BFAR: variants seen among roughly 807,000 people sequenced by gnomAD.
BFAR encodes bifunctional apoptosis regulator.
In BFAR, 52 loss-of-function variants were observed where a neutral mutation model predicts 54.4. The observed-to-expected ratio is 0.96, with a 90% CI of 0.77 to 1.21. BFAR has a LOEUF of 1.21. Among genes scored for constraint, BFAR ranks in the 50% most tolerant of loss-of-function variants. The pLI is 0.00. For missense variants in BFAR, 571 were observed against 534.0 expected (o/e 1.07, Z -0.68); for synonymous variants, 215 against 204.3 (o/e 1.05, Z -0.45).
intron 4 of BFAR, 65 bp downstream of exon 4, chr16:14,650,038 C>T: frequency 6.7e-7 from 1 of 1,500,016 alleles, no homozygotes; most frequent in African/African-American, 1.4e-5. Flanking sequence ...GAGATATAAT[C>T]CAGGCCAGGC....
intron 4 of BFAR, 144 bp downstream of exon 4, chr16:14,650,117 T>C: frequency 2.6e-6 from 2 of 762,618 alleles, no homozygotes; most frequent in Non-Finnish European, 3.9e-6. Flanking sequence ...AGGTCAGGAG[T>C]TCCAGACCAG....
At chr16:14,654,157 G>A (rs999093745) in intron 4 of BFAR, among the ~76,000 whole-genome samples, 8 of 151,738 alleles carry the variant, frequency 5.3e-5, no homozygotes, top group Non-Finnish European at 1.0e-4. Context: ...GACTATAGGC[G>A]CCTGCCACGA....
At chr16:14,638,930 G>C (rs146263525) in intron 1 of BFAR, among the ~76,000 whole-genome samples, 1 of 150,958 alleles carries the variant, frequency 6.6e-6, no homozygotes, top group African/African-American at 2.4e-5. Context: ...GGGCAACAGA[G>C]TAAGACTTGT....
chr16:14,639,195 C>CAGGCTGGT (rs1959546400), intron 1 of BFAR, among the ~76,000 whole-genome samples: 1 of 152,078 alleles, frequency 6.6e-6, no homozygotes, highest in South Asian at 2.1e-4. Flanking sequence ...CCCAGGCTGG[C>CAGGCTGGT]AGGCTGGTAG....
intron 5 of BFAR, among the ~76,000 whole-genome samples, chr16:14,659,207 C>G (rs1409624394): frequency 6.6e-6 from 1 of 151,298 alleles, no homozygotes; most frequent in Non-Finnish European, 1.5e-5. Context: ...CCATGCCCAG[C>G]CTGTAGTATG....
chr16:14,637,511 T>C (rs1347293219), intron 1 of BFAR, among the ~76,000 whole-genome samples: 1 of 152,226 alleles, frequency 6.6e-6, no homozygotes, highest in Non-Finnish European at 1.5e-5. Flanking sequence ...ATGATTGTTA[T>C]GTCCTTAATA....
At chr16:14,664,459 A>ATGTG in intron 6 of BFAR, among the ~76,000 whole-genome samples, 1 of 149,022 alleles carries the variant, frequency 6.7e-6, no homozygotes, top group East Asian at 2.0e-4. Context: ...AGATTGTTGG[A>ATGTG]TGTGTGTGTG....
chr16:14,648,362 T>C, intron 2 of BFAR, 26 bp from the exon 3 acceptor site: 1 of 1,569,074 alleles, frequency 6.4e-7, no homozygotes, highest in East Asian at 2.2e-5. Flanking sequence ...ACAACTGTCT[T>C]AATTTTTTTT....
At chr16:14,656,008 G>C (rs1960118963) in intron 5 of BFAR, among the ~76,000 whole-genome samples, 1 of 152,006 alleles carries the variant, frequency 6.6e-6, no homozygotes. Flanking sequence ...TCAGCAGTTT[G>C]AGACCAGCCT....
At position 14,669,001 on chromosome 16, in the gene BFAR, G is replaced by T. The variant is rs1317712208; in HGVS notation, c.*1174G>T. The T allele has an allele frequency of 6.6e-6, 3 of 451,154 alleles. No homozygotes were observed. Among genetic ancestry groups the T allele is most frequent in the South Asian group, 4.7e-5 (3 of 63,398 alleles). The allele number at this position is 451,154 out of a possible 1,614,324, so 27.9% of individuals were successfully genotyped here. A position where few individuals can be genotyped will look rare whatever the true frequency, so the allele number is the denominator to read the frequency against. On this transcript the variant is annotated 3_prime_UTR_variant, in exon 8 of 8. Transcript: ENST00000261658. ...AGCGCTATAGTTATAAATATGGCAT[G>T]AAGTGAACTATGGCCTTTTATTTCC... is the stretch of plus-strand genomic sequence containing the variant.
chr16:14,664,879 A>G lies in BFAR; in HGVS notation c.968A>G (p.Glu323Gly), dbSNP rs1281927179. 9 of 1,613,448 alleles carry G rather than the reference A, an allele frequency of 5.6e-6. No individual in the cohort carries two copies. The highest frequency in any genetic ancestry group is 7.6e-6 in the Non-Finnish European group (9 of 1,179,506). The change falls in exon 7 of 8, where the codon GAG (glutamate) becomes GGG (glycine). Residue 323 changes from glutamate (E) to glycine (G), a missense_variant. Physicochemically the swap from Glu to Gly is moderately conservative, Grantham distance 98. Transcript: ENST00000261658. ...DIVTKLLDLK[E>G]PTWKQWREFL... is the part of the protein sequence containing the mutation. The stretch of plus-strand genomic sequence containing the variant: ...GTGTTATTTTTTAAGGATCTTAAGG[A>G]GCCTACGTGGAAGCAGTGGAGAGAG...
At position 14,632,968 on chromosome 16, in the gene BFAR, CG is replaced by C; in HGVS notation, c.-120del. On this transcript the variant is annotated 5_prime_UTR_variant, in exon 1 of 8. Coordinates refer to ENST00000261658, the MANE Select transcript of BFAR (RefSeq NM_016561.3). ...GCCTCTCCCTCTTCCTCTGCTCCCGCGGGGTCTGTGCTGAGAATAATGGCCC... is the reference window on the plus strand; with the variant it reads ...GCCTCTCCCTCTTCCTCTGCTCCCGCGGGTCTGTGCTGAGAATAATGGCCC... 1 of 155,290 alleles carries C rather than the reference CG, an allele frequency of 6.4e-6. No homozygotes were observed. Among genetic ancestry groups the C allele is most frequent in the Non-Finnish European group, 1.4e-5 (1 of 69,536 alleles). 9.6% of individuals were successfully genotyped at this position (155,290 alleles called of 1,614,324 possible).
Position 14,653,370 on chromosome 16 carries a change from C to T in BFAR, c.639-1696C>T, listed in dbSNP as rs547349793. Among the ~76,000 whole-genome samples, 29 of 152,122 alleles carry T rather than the reference C, an allele frequency of 1.9e-4. No individual in the cohort carries two copies. In the South Asian group the frequency reaches 5.6e-3, roughly 29 times the overall value. On this transcript the variant is annotated intron_variant, in intron 4 of 7. Coordinates refer to ENST00000261658, the MANE Select transcript of BFAR (RefSeq NM_016561.3). Reference sequence around the variant, plus strand: ...TTGAGACAGTTTCACTCTTGTTGCCCAGGCTGGAGTGCAGTGGCGTGATCT... The same window carrying T: ...TTGAGACAGTTTCACTCTTGTTGCCTAGGCTGGAGTGCAGTGGCGTGATCT...
intron 2 of BFAR, among the ~76,000 whole-genome samples, chr16:14,645,809 A>C (rs1959774969): frequency 6.6e-6 from 1 of 152,148 alleles, no homozygotes; most frequent in South Asian, 2.1e-4. Context: ...CTTCTTATAA[A>C]CTGATTTTAA....
chr16:14,648,552 G>C lies in BFAR; in HGVS notation c.428G>C (p.Gly143Ala), dbSNP rs758806593. The C allele has an allele frequency of 2.4e-5, 39 of 1,613,872 alleles. No homozygotes were observed. Among genetic ancestry groups the C allele is most frequent in the Non-Finnish European group, 3.3e-5 (39 of 1,179,960 alleles). The change falls in exon 3 of 8, where the codon GGA (glycine) becomes GCA (alanine). Residue 143 changes from glycine to alanine, a missense_variant. Physicochemically the swap from Gly to Ala is moderately conservative, Grantham distance 60. Transcript: ENST00000261658. ...CGAGCGAATCAGCAGATGGGAGGGG[G>C]ATTCTTTTCCGGTGTGCTCACAGCT... ...TGRANQQMGG[G>A]FFSGVLTALT... is the part of the protein sequence containing the mutation.
Position 14,655,223 on chromosome 16 carries a change from A to ATTT in BFAR, c.783+29_783+31dup, listed in dbSNP as rs71373038. The ATTT allele has an allele frequency of 2.1e-4, 245 of 1,173,460 alleles. No homozygotes were observed. The highest frequency in any genetic ancestry group is 5.5e-4 in the African/African-American group (30 of 54,882). The allele number at this position is 1,173,460 out of a possible 1,614,324, so 72.7% of individuals were successfully genotyped here. A position where few individuals can be genotyped will look rare whatever the true frequency, so the allele number is the denominator to read the frequency against. On this transcript the variant is annotated intron_variant, in intron 5 of 7. Transcript: ENST00000261658. ...CTGGGAATATAAGGTGAACACTTTA[A>ATTT]TTTTTTTTTTTTTTTTTTACTTTTT...
At chr16:14,638,539 C>T (rs1405393460) in intron 1 of BFAR, among the ~76,000 whole-genome samples, 2 of 152,174 alleles carry the variant, frequency 1.3e-5, no homozygotes, top group Non-Finnish European at 2.9e-5. Flanking sequence ...TACTGCTGAA[C>T]CAAGTGGTTT....
intron 1 of BFAR, among the ~76,000 whole-genome samples, chr16:14,640,776 G>A (rs2151835594): frequency 6.6e-6 from 1 of 152,332 alleles, no homozygotes; most frequent in East Asian, 1.9e-4. Context: ...TAGATCAGCA[G>A]TAGCTCTTAA....
intron 1 of BFAR, among the ~76,000 whole-genome samples, chr16:14,633,929 A>T (rs1959348530): frequency 6.6e-6 from 1 of 152,220 alleles, no homozygotes; most frequent in South Asian, 2.1e-4. Context: ...GGGAGATTAC[A>T]GGCGTGAGCC....
Sources: allele counts gnomAD v4.1 joint callset (sites outside exome capture counted in the v4.1 genomes callset), GRCh38; gene constraint gnomAD v4.1.1; transcripts MANE v1.5; gene names NCBI Gene and HGNC (gene_info 2026-07-23, HGNC 2026-07-21).